TSPEAR: variants seen among roughly 807,000 people sequenced by gnomAD.
TSPEAR encodes the protein thrombospondin-type laminin G domain and EAR repeat-containing protein.
Under a neutral mutation model 71.6 loss-of-function variants are expected in TSPEAR, and 69 were observed. The ratio of observed to expected loss-of-function variants is 0.96; its 90% CI spans 0.79 to 1.18. The LOEUF (loss-of-function observed/expected upper bound fraction) is 1.18, where lower values mean the gene tolerates loss of function less well. Among genes scored for constraint, TSPEAR ranks in the 50% most tolerant of loss-of-function variants. TSPEAR has a pLI of 0.00. For synonymous variants in TSPEAR, 402 were observed against 387.2 expected, an observed-to-expected ratio of 1.04 and a Z score of -0.45; for missense variants, 971 against 894.9, an observed-to-expected ratio of 1.09 and a Z score of -1.09.
intron 1 of TSPEAR, among the ~76,000 whole-genome samples, chr21:44,656,647 G>C (rs1985165225): frequency 6.6e-6 from 1 of 152,016 alleles, no homozygotes; most frequent in African/African-American, 2.4e-5. Flanking sequence ...GCTTGGATAT[G>C]GTTTTCTTTG....
Position 44,647,631 on chromosome 21 carries a change from T to A in TSPEAR, c.82+63802A>T, listed in dbSNP as rs1984520233. ...GACAAAGAAGAACTGCTCTAATCAATAAATTCTTGAGTCAGGAAATACGGG... is the reference window on the plus strand; with the variant it reads ...GACAAAGAAGAACTGCTCTAATCAAAAAATTCTTGAGTCAGGAAATACGGG... On this transcript the variant is annotated intron_variant, in intron 1 of 11. Transcript: ENST00000323084. 4 of 496,858 alleles carry A rather than the reference T, an allele frequency of 8.1e-6. No homozygotes were observed. In the Admixed American group the frequency reaches 1.3e-4, roughly 17 times the overall value. 30.8% of individuals were successfully genotyped at this position (496,858 alleles called of 1,614,324 possible).
intron 1 of TSPEAR, chr21:44,600,503 G>C: frequency 8.1e-7 from 1 of 1,228,724 alleles, no homozygotes. Context: ...ACTCCAGCTG[G>C]GACAACAGAC....
intron 1 of TSPEAR, chr21:44,697,801 C>A (rs201956644): frequency 1.7e-5 from 27 of 1,613,634 alleles, no homozygotes; most frequent in Non-Finnish European, 2.3e-5. Flanking sequence ...TCCTCTGCCG[C>A]CCTGTGTGCA....
chr21:44,566,789 G>A (rs73233049), intron 2 of TSPEAR, among the ~76,000 whole-genome samples: 10 of 152,270 alleles, frequency 6.6e-5, no homozygotes, highest in Non-Finnish European at 5.9e-5. Flanking sequence ...AGCAAATGGT[G>A]TGGGGGCAAC....
intron 1 of TSPEAR, among the ~76,000 whole-genome samples, chr21:44,631,562 A>AAAAT (rs1182987866): frequency 8.5e-4 from 129 of 152,236 alleles, no homozygotes; most frequent in African/African-American, 2.8e-3. Flanking sequence ...TACTAAAAAT[A>AAAAT]AAATAAATAA....
At chr21:44,649,748 G>A (rs1161817745) in intron 1 of TSPEAR, among the ~76,000 whole-genome samples, 1 of 152,200 alleles carries the variant, frequency 6.6e-6, no homozygotes, top group East Asian at 1.9e-4. Context: ...GGGCCTTCCT[G>A]TGTGTGCAGT....
chr21:44,675,475 A>G (rs1480914225), intron 1 of TSPEAR, among the ~76,000 whole-genome samples: 1 of 152,218 alleles, frequency 6.6e-6, no homozygotes, highest in Non-Finnish European at 1.5e-5. Flanking sequence ...ATCATATTAA[A>G]TGGAAAAAAG....
intron 1 of TSPEAR, among the ~76,000 whole-genome samples, chr21:44,703,959 A>T (rs983312647): frequency 6.6e-6 from 1 of 152,184 alleles, no homozygotes; most frequent in Non-Finnish European, 1.5e-5. Flanking sequence ...ACAGGGCTGC[A>T]ATCCCAGGAG....
At chr21:44,667,972 A>G (rs182533058) in intron 1 of TSPEAR, among the ~76,000 whole-genome samples, 15 of 152,370 alleles carry the variant, frequency 9.8e-5, no homozygotes, top group African/African-American at 2.9e-4. Context: ...CCCACTGGTG[A>G]AAAACTGAAG....
At chr21:44,699,493 G>A (rs868975391) in intron 1 of TSPEAR, among the ~76,000 whole-genome samples, 7 of 151,894 alleles carry the variant, frequency 4.6e-5, no homozygotes, top group Non-Finnish European at 5.9e-5. Context: ...GAGGAAGTGG[G>A]TCCTGGTGAC....
intron 1 of TSPEAR, among the ~76,000 whole-genome samples, chr21:44,673,791 T>C (rs782688471): frequency 4.6e-5 from 7 of 152,000 alleles, no homozygotes; most frequent in Non-Finnish European, 1.0e-4. Flanking sequence ...TAAAACTAGA[T>C]ATTAATAACA....
intron 10 of TSPEAR, chr21:44,508,511 G>T (rs780971131): frequency 1.3e-5 from 14 of 1,089,284 alleles, no homozygotes; most frequent in Middle Eastern, 8.7e-4. Flanking sequence ...GGGTAATACG[G>T]ATTCGATTGC....
rs1555949142 is a variant in TSPEAR, at chr21:44,687,924, A to T, written c.82+23509T>A. 6.6e-6 allele frequency among the ~76,000 whole-genome samples: 1 copy of T among 152,192 alleles called. No individual in the cohort carries two copies. Among genetic ancestry groups the T allele is most frequent in the Non-Finnish European group, 1.5e-5 (1 of 68,024 alleles). ...CCTTCCCCTGCAGTGCCTGTGAAAT[A>T]TGATGCACTGACAGAGGCCGGCTCG... is the stretch of plus-strand genomic sequence containing the variant. On this transcript the variant is annotated intron_variant, in intron 1 of 11. Coordinates refer to ENST00000323084, the MANE Select transcript of TSPEAR (RefSeq NM_144991.3). This position sits in a 1 kb window ranked among gnomAD's most constrained non-coding sequence, Gnocchi z 4.4.
At chr21:44,698,048 TG>T in intron 1 of TSPEAR, 1 of 1,330,288 alleles carries the variant, frequency 7.5e-7, no homozygotes. Flanking sequence ...GCTGCTCTGG[TG>T]TCTGTCTCTT....
At chr21:44,651,248 C>T (rs12481887) in intron 1 of TSPEAR, among the ~76,000 whole-genome samples, 23,651 of 152,078 alleles carry the variant, frequency 0.16, 2,039 homozygotes, top group Non-Finnish European at 0.2. Context: ...CTCTCCTCCC[C>T]TTTTCTTCTC....
chr21:44,699,765 T>C (rs1481241263), intron 1 of TSPEAR, among the ~76,000 whole-genome samples: 3 of 152,202 alleles, frequency 2.0e-5, no homozygotes, highest in Non-Finnish European at 2.9e-5. Context: ...GTGCCTCCCC[T>C]GGGCTCCCAG....
chr21:44,610,286 T>C (rs1555930565), intron 1 of TSPEAR, among the ~76,000 whole-genome samples: 1 of 152,162 alleles, frequency 6.6e-6, no homozygotes, highest in African/African-American at 2.4e-5. Flanking sequence ...TGGCAGCCCC[T>C]CCCATCAGAG....
At chr21:44,613,947 G>A (rs1268698233) in intron 1 of TSPEAR, among the ~76,000 whole-genome samples, 4 of 152,132 alleles carry the variant, frequency 2.6e-5, no homozygotes, top group Admixed American at 6.5e-5. Context: ...CGCCCCGACC[G>A]GGGTCAGGGG....
intron 1 of TSPEAR, chr21:44,592,426 C>G (rs782145982): frequency 1.2e-6 from 2 of 1,609,600 alleles, no homozygotes; most frequent in South Asian, 2.2e-5. Flanking sequence ...ACCAGGAAGG[C>G]AGACGCGGCT....
Sources: gnomAD v4.1 joint callset for allele counts (sites outside exome capture counted in the v4.1 genomes callset) on GRCh38, gnomAD v4.1.1 for gene constraint, Gnocchi (gnomAD v3.1) non-coding constraint, MANE v1.5 for transcripts, NCBI Gene and HGNC (gene_info 2026-07-23, HGNC 2026-07-21) for gene names.